IRS2: variants seen among roughly 807,000 people sequenced by gnomAD.
IRS2 encodes insulin receptor substrate 2.
Under a neutral mutation model 70.9 loss-of-function variants are expected in IRS2, and 28 were observed. The ratio of observed to expected loss-of-function variants is 0.39; its 90% CI spans 0.29 to 0.54. IRS2 has a LOEUF of 0.54. IRS2 is among the 20% of genes least tolerant of loss of function. The pLI, the probability that IRS2 is intolerant of heterozygous loss-of-function variation, is 0.59. For synonymous variants in IRS2, 1,217 were observed against 981.9 expected, an observed-to-expected ratio of 1.24 and a Z score of -4.48; for missense variants, 2,081 against 2,024.1, an observed-to-expected ratio of 1.03 and a Z score of -0.54.
At position 109,784,820 on chromosome 13, in the gene IRS2, G is replaced by A. The variant is rs964272023; in HGVS notation, c.1234C>T (p.Arg412Cys). The change falls in exon 1 of 2, where the codon CGC becomes TGC. Residue 412 changes from arginine (R) to cysteine (C), a missense_variant. Around this residue, in one of 4 missense-constraint regions of IRS2, gnomAD observed 1,615 missense variants for 1,459.5 expected, o/e 1.11. Coordinates refer to ENST00000375856, the MANE Select transcript of IRS2 (RefSeq NM_003749.3). The surrounding 1 kb of genome is among the most constrained non-coding windows in gnomAD (Gnocchi z 5.2). ...SHTLSGGCGG[R>C]GSKVALLPAG... ...GGCAGCAGCGCCACCTTGCTCCCGC[G>A]GCCGCCGCAGCCGCCGCTCAGGGTG... is the stretch of plus-strand genomic sequence containing the variant. The A allele has an allele frequency of 4.0e-6, 5 of 1,264,172 alleles. No homozygotes were observed. The highest frequency in any genetic ancestry group is 3.0e-4 in the Middle Eastern group (1 of 3,282). 78.3% of individuals were successfully genotyped at this position (1,264,172 alleles called of 1,614,324 possible).
intron 1 of IRS2, among the ~76,000 whole-genome samples, chr13:109,768,909 TAAC>T (rs1877393577): frequency 6.6e-6 from 1 of 152,148 alleles, no homozygotes; most frequent in African/African-American, 2.4e-5. Flanking sequence ...AAAACAGGGA[TAAC>T]AACAAGATCC....
intron 1 of IRS2, among the ~76,000 whole-genome samples, chr13:109,780,790 C>T (rs2138927482): frequency 6.8e-6 from 1 of 147,308 alleles, no homozygotes; most frequent in East Asian, 1.9e-4. Flanking sequence ...AGCCTCTATC[C>T]TGCTAGGAAC....
rs9583424 is a variant in IRS2 at position 109,782,955 on chromosome 13, T to G, written c.3099A>C (p.Pro1033=). 7.0e-7 allele frequency: 1 copy of G among 1,423,484 alleles called. No individual in the cohort carries two copies. The highest frequency in any genetic ancestry group is 9.2e-7 in the Non-Finnish European group (1 of 1,092,332). 88.2% of individuals were successfully genotyped at this position (1,423,484 alleles called of 1,614,324 possible). The stretch of plus-strand genomic sequence containing the variant: ...ACAGCTCCCCCGGGGCCGGCGGCGG[T>G]GGCGGCGGCTGCAGAGACGACGACG... ...ASPSSSLQPP[P]PPPAPGELYR... Residue 1033 remains proline, a synonymous_variant, in exon 1 of 2, where the codon CCA becomes CCC. Coordinates refer to ENST00000375856, the MANE Select transcript of IRS2 (RefSeq NM_003749.3).
chr13:109,755,309 A>T lies in IRS2; in HGVS notation c.*995T>A, dbSNP rs990544353. On this transcript the variant is annotated 3_prime_UTR_variant, in exon 2 of 2. Transcript: ENST00000375856. ...AAGATAATACGTTTTTTAAAAATCA[A>T]ATCTGCCAAACCCGGACCACCCTGG... The T allele has an allele frequency of 4.4e-6, 1 of 227,584 alleles. No individual in the cohort carries two copies. Among genetic ancestry groups the T allele is most frequent in the Non-Finnish European group, 8.7e-6 (1 of 114,972 alleles). 14.1% of individuals were successfully genotyped at this position (227,584 alleles called of 1,614,324 possible).
intron 1 of IRS2, among the ~76,000 whole-genome samples, chr13:109,762,946 G>A (rs1417677643): frequency 6.6e-6 from 1 of 152,170 alleles, no homozygotes; most frequent in Admixed American, 6.5e-5. Context: ...TCCAAGCAGA[G>A]GTCAGTAAAG....
chr13:109,771,643 T>G (rs1326480902), intron 1 of IRS2, among the ~76,000 whole-genome samples: 4 of 152,262 alleles, frequency 2.6e-5, no homozygotes, highest in African/African-American at 9.6e-5. Context: ...TAGGTTGCTT[T>G]TATGCAGGAA....
Position 109,783,346 on chromosome 13 carries a change from C to A in IRS2, c.2708G>T (p.Ser903Ile). 1 of 1,549,946 alleles carries A rather than the reference C, an allele frequency of 6.5e-7. No individual in the cohort carries two copies. Among genetic ancestry groups the A allele is most frequent in the African/African-American group, 1.4e-5 (1 of 70,778 alleles). ...LSLEGLPSLPSMHEYPLPPEP... is the reference protein window; with the variant it reads ...LSLEGLPSLPIMHEYPLPPEP... Reference sequence around the variant, plus strand: ...CGGTGGCAGTGGGTACTCGTGCATGCTGGGCAGGCTGGGCAGCCCCTCCAG... The same window carrying A: ...CGGTGGCAGTGGGTACTCGTGCATGATGGGCAGGCTGGGCAGCCCCTCCAG... Residue 903 changes from serine (S) to isoleucine (I), a missense_variant, in exon 1 of 2, where the codon AGC becomes ATC. By Grantham distance (142) the Ser-to-Ile change is moderately radical. Transcript: ENST00000375856.
intron 1 of IRS2, among the ~76,000 whole-genome samples, chr13:109,773,073 G>A (rs1223164982): frequency 6.6e-6 from 1 of 152,168 alleles, no homozygotes; most frequent in Non-Finnish European, 1.5e-5. Context: ...GCTTTTGAAA[G>A]TGAGGTTATA....
rs1429058464 is a variant in IRS2 at position 109,783,768 on chromosome 13, G to A, written c.2286C>T (p.Pro762=). Residue 762 remains proline, a synonymous_variant, in exon 1 of 2, where the codon CCC becomes CCT. Transcript: ENST00000375856. ...GGGACACGTTGAGGTAGTCCCCGTT[G>A]GGCAGCAGCTTGCCATCTGCATGCT... ...SMEHADGKLL[P]NGDYLNVSPS... 1 of 1,596,708 alleles carries A rather than the reference G, an allele frequency of 6.3e-7. No individual in the cohort carries two copies. Among genetic ancestry groups the A allele is most frequent in the East Asian group, 2.3e-5 (1 of 43,820 alleles).
chr13:109,761,870 T>C (rs1231162194), intron 1 of IRS2, among the ~76,000 whole-genome samples: 1 of 152,172 alleles, frequency 6.6e-6, no homozygotes, highest in Non-Finnish European at 1.5e-5. Context: ...GAATATCAAG[T>C]TGCAACTTGA....
At chr13:109,774,042 A>C (rs12876234) in intron 1 of IRS2, among the ~76,000 whole-genome samples, 50,356 of 152,062 alleles carry the variant, frequency 0.33, 8,469 homozygotes, top group Middle Eastern at 0.48. Flanking sequence ...ACTAAGTTAC[A>C]TTCTATCAAC....
At chr13:109,774,408 A>G (rs1877524558) in intron 1 of IRS2, among the ~76,000 whole-genome samples, 1 of 152,180 alleles carries the variant, frequency 6.6e-6, no homozygotes, top group Non-Finnish European at 1.5e-5. Flanking sequence ...CAATAAATAG[A>G]GCGCTTTCCT....
intron 1 of IRS2, among the ~76,000 whole-genome samples, chr13:109,763,489 A>T (rs1034954375): frequency 6.6e-6 from 1 of 152,256 alleles, no homozygotes; most frequent in Non-Finnish European, 1.5e-5. Context: ...TGCTAAATAC[A>T]TCCTACACTA....
Position 109,782,068 on chromosome 13 carries a change from T to C in IRS2, c.3986A>G (p.His1329Arg), listed in dbSNP as rs767924446. Residue 1329 changes from histidine (H) to arginine (R), a missense_variant, in exon 1 of 2, where the codon CAC becomes CGC. By Grantham distance (29) the His-to-Arg change is conservative. Transcript: ENST00000375856. ...TYASIDFLSH[H>R]LKEATIVKE is the part of the protein sequence containing the mutation. ...TTTCACGATGGTGGCCTCCTTCAAG[T>C]GGTGGGACAAGAAGTCAATGCTGGC... The C allele has an allele frequency of 7.4e-6, 12 of 1,612,394 alleles. No individual in the cohort carries two copies. Among genetic ancestry groups the C allele is most frequent in the Non-Finnish European group, 1.0e-5 (12 of 1,179,812 alleles).
chr13:109,759,081 G>A (rs1877171816), intron 1 of IRS2, among the ~76,000 whole-genome samples: 1 of 152,206 alleles, frequency 6.6e-6, no homozygotes, highest in African/African-American at 2.4e-5. Context: ...GCATGGGGGT[G>A]TCAGCTGTGC....
At chr13:109,774,729 T>C (rs1001290277) in intron 1 of IRS2, among the ~76,000 whole-genome samples, 3 of 152,214 alleles carry the variant, frequency 2.0e-5, no homozygotes, top group African/African-American at 7.2e-5. Flanking sequence ...TTCCAAAGAA[T>C]GGGGTTCATG....
intron 1 of IRS2, among the ~76,000 whole-genome samples, chr13:109,777,523 C>T (rs914536332): frequency 1.1e-4 from 16 of 152,220 alleles, no homozygotes; most frequent in Admixed American, 7.2e-4. Flanking sequence ...AAAAGAATCA[C>T]GCATTTTCCT....
chr13:109,763,165 C>T (rs1225915142), intron 1 of IRS2, among the ~76,000 whole-genome samples: 1 of 152,210 alleles, frequency 6.6e-6, no homozygotes, highest in African/African-American at 2.4e-5. Context: ...ACATGGCAAC[C>T]TTTACTAAGG....
chr13:109,773,489 G>A (rs557404800), intron 1 of IRS2, among the ~76,000 whole-genome samples: 3 of 152,304 alleles, frequency 2.0e-5, no homozygotes, highest in South Asian at 4.1e-4. Flanking sequence ...CTGTGTCACC[G>A]CCCAGGCTGA....
Sources: allele counts gnomAD v4.1 joint callset (sites outside exome capture counted in the v4.1 genomes callset), GRCh38; gene constraint gnomAD v4.1.1; regional missense constraint gnomAD v4.1.1; non-coding constraint Gnocchi (gnomAD v3.1); transcripts MANE v1.5; gene names NCBI Gene and HGNC (gene_info 2026-07-23, HGNC 2026-07-21).